Variants in OLFM2 observed in about 807,000 individuals in gnomAD.
OLFM2 encodes noelin-2.
In OLFM2, 20 loss-of-function variants were observed where a neutral mutation model predicts 43.9. The observed-to-expected ratio is 0.46, with a 90% CI of 0.32 to 0.66. OLFM2 has a LOEUF of 0.66. OLFM2 is among the 30% of genes least tolerant of loss of function. OLFM2 has a pLI of 0.04. For synonymous variants in OLFM2, 268 were observed against 278.6 expected, an observed-to-expected ratio of 0.96 and a Z score of 0.38; for missense variants, 416 against 643.6, an observed-to-expected ratio of 0.65 and a Z score of 3.83.
intron 1 of OLFM2, among the ~76,000 whole-genome samples, chr19:9,880,178 G>C (rs958183627): frequency 4.6e-5 from 7 of 152,164 alleles, no homozygotes; most frequent in African/African-American, 1.7e-4. Context: ...GCCTGGTTTT[G>C]AGGGTGTAGC....
intron 1 of OLFM2, among the ~76,000 whole-genome samples, chr19:9,874,994 T>G (rs12986180): frequency 6.6e-6 from 1 of 152,302 alleles, no homozygotes; most frequent in African/African-American, 2.4e-5. Flanking sequence ...CAGTAGCTGC[T>G]TCAGACGCTT....
At chr19:9,893,119 C>T (rs1265302516) in intron 1 of OLFM2, among the ~76,000 whole-genome samples, 1 of 151,988 alleles carries the variant, frequency 6.6e-6, no homozygotes, top group Non-Finnish European at 1.5e-5. Flanking sequence ...GGGCTTGACT[C>T]TAGTCTGTCA....
At chr19:9,925,856 C>G (rs372853312) in intron 1 of OLFM2, among the ~76,000 whole-genome samples, 2 of 151,860 alleles carry the variant, frequency 1.3e-5, no homozygotes, top group South Asian at 2.1e-4. Flanking sequence ...ACAACCAGGC[C>G]GGGCGCGGTG....
intron 1 of OLFM2, among the ~76,000 whole-genome samples, chr19:9,895,226 G>T (rs146060062): frequency 6.6e-6 from 1 of 152,122 alleles, no homozygotes; most frequent in Non-Finnish European, 1.5e-5. Context: ...AGTGGCTTAT[G>T]CCTGTTATCC....
At chr19:9,913,674 C>T (rs1339650070) in intron 1 of OLFM2, 4 of 1,118,804 alleles carry the variant, frequency 3.6e-6, no homozygotes, top group African/African-American at 1.7e-5. Context: ...TCTGGCCCGC[C>T]GCGGGGCGCT....
rs893972970 is a variant in OLFM2 at position 9,858,008 on chromosome 19, C to T, written c.214-147G>A. ...CTCCTCCCCTGAGCTTACCAGCAGCCTCCCAATTGCGTGCCCAATCCATCC... is the reference window on the plus strand; with the variant it reads ...CTCCTCCCCTGAGCTTACCAGCAGCTTCCCAATTGCGTGCCCAATCCATCC... On this transcript the variant is annotated intron_variant, in intron 2 of 5. Coordinates refer to ENST00000264833, the MANE Select transcript of OLFM2 (RefSeq NM_058164.4). 12 of 968,494 alleles carry T rather than the reference C, an allele frequency of 1.2e-5. No individual in the cohort carries two copies. In the African/African-American group the frequency reaches 1.6e-4, roughly 13 times the overall value. 60.0% of individuals were successfully genotyped at this position (968,494 alleles called of 1,614,324 possible).
At chr19:9,893,125 T>G (rs56034846) in intron 1 of OLFM2, among the ~76,000 whole-genome samples, 78,847 of 151,794 alleles carry the variant, frequency 0.52, 21,027 homozygotes, top group Admixed American at 0.61. Context: ...GACTCTAGTC[T>G]GTCATAGAGT....
rs565386477 is a variant in OLFM2 at position 9,923,504 on chromosome 19, C to G, written c.63+12800G>C. ...CTGGGAGGCAGAGGTTGTAGTGAGA[C>G]AAGATCATCGCCACTGCACTCCAGC... On this transcript the variant is annotated intron_variant, in intron 1 of 5. Transcript: ENST00000264833. Among the ~76,000 whole-genome samples the G allele has an allele frequency of 4.3e-5, 6 of 140,840 alleles. No homozygotes were observed. The South Asian group carries it at 1.3e-3, about 31-fold the overall frequency. 92.4% of individuals were successfully genotyped at this position (140,840 alleles called of 152,430 possible).
At chr19:9,882,568 G>C (rs980695590) in intron 1 of OLFM2, among the ~76,000 whole-genome samples, 7 of 151,680 alleles carry the variant, frequency 4.6e-5, no homozygotes, top group African/African-American at 1.2e-4. Context: ...TGAATTTTTG[G>C]GGGGTGGAAA....
chr19:9,857,501 C>A lies in OLFM2; in HGVS notation c.361-19G>T, dbSNP rs1454250500. The A allele has an allele frequency of 6.2e-7, 1 of 1,611,986 alleles. No homozygotes were observed. Among genetic ancestry groups the A allele is most frequent in the Admixed American group, 1.7e-5 (1 of 59,952 alleles). ...TCAGCTCCTGTGCATCAAGATGGAACCATGGCCAAGCCTGACCCCTGGCCT... is the reference window on the plus strand; with the variant it reads ...TCAGCTCCTGTGCATCAAGATGGAAACATGGCCAAGCCTGACCCCTGGCCT... On this transcript the variant is annotated intron_variant, in intron 3 of 5. Coordinates refer to ENST00000264833, the MANE Select transcript of OLFM2 (RefSeq NM_058164.4). The surrounding 1 kb of genome is among the most constrained non-coding windows in gnomAD (Gnocchi z 5.7).
At chr19:9,934,484 G>A (rs947474189) in intron 1 of OLFM2, among the ~76,000 whole-genome samples, 1 of 152,128 alleles carries the variant, frequency 6.6e-6, no homozygotes, top group African/African-American at 2.4e-5. Flanking sequence ...ATCTTGGTGA[G>A]AAGCCAGAAA....
chr19:9,926,880 G>T (rs58654410), intron 1 of OLFM2, among the ~76,000 whole-genome samples: 3,746 of 152,252 alleles, frequency 0.025, 114 homozygotes, highest in Middle Eastern at 0.082. Context: ...AGTGACTCAG[G>T]TGGCTGAGGT....
intron 1 of OLFM2, among the ~76,000 whole-genome samples, chr19:9,911,111 C>T (rs577036892): frequency 6.6e-6 from 1 of 152,284 alleles, no homozygotes; most frequent in South Asian, 2.1e-4. Context: ...CAGCAGATCT[C>T]TGTTACCCAC....
At chr19:9,900,945 G>A in intron 1 of OLFM2, among the ~76,000 whole-genome samples, 1 of 18,942 alleles carries the variant, frequency 5.3e-5, no homozygotes, top group East Asian at 9.2e-4. Context: ...GGGAGGGAAG[G>A]GGAAGGAAGG....
intron 1 of OLFM2, among the ~76,000 whole-genome samples, chr19:9,888,584 A>C (rs1182967774): frequency 1.3e-5 from 2 of 150,612 alleles, no homozygotes. Context: ...CAAGTGCCCC[A>C]GCACCCCCCA....
At chr19:9,868,837 G>A (rs1464033457) in intron 1 of OLFM2, among the ~76,000 whole-genome samples, 2 of 151,832 alleles carry the variant, frequency 1.3e-5, no homozygotes, top group African/African-American at 4.8e-5. Flanking sequence ...TCAGGAAGCT[G>A]AAGTAGGAGG....
chr19:9,908,378 C>T (rs1284961115), intron 1 of OLFM2, among the ~76,000 whole-genome samples: 1 of 151,430 alleles, frequency 6.6e-6, no homozygotes, highest in African/African-American at 2.4e-5. Context: ...GCGATCTCGG[C>T]TCACTGCAAC....
chr19:9,893,028 T>G (rs1301703986), intron 1 of OLFM2, among the ~76,000 whole-genome samples: 1 of 152,142 alleles, frequency 6.6e-6, no homozygotes, highest in Non-Finnish European at 1.5e-5. Context: ...AGGACTCGGA[T>G]TTGGTCCTGG....
At chr19:9,866,507 T>TC (rs1217674721) in intron 1 of OLFM2, among the ~76,000 whole-genome samples, 2 of 150,580 alleles carry the variant, frequency 1.3e-5, no homozygotes, top group Admixed American at 6.6e-5. Context: ...CTTTTTTTTT[T>TC]TTTTTTTTTT....
Sources: gnomAD v4.1 joint callset for allele counts (sites outside exome capture counted in the v4.1 genomes callset) on GRCh38, gnomAD v4.1.1 for gene constraint, Gnocchi (gnomAD v3.1) non-coding constraint, MANE v1.5 for transcripts, NCBI Gene and HGNC (gene_info 2026-07-23, HGNC 2026-07-21) for gene names.